Variants in CCSER1 observed in about 807,000 individuals in gnomAD.
The protein encoded by CCSER1 is serine-rich coiled-coil domain-containing protein 1.
In CCSER1, 41 loss-of-function variants were observed where a neutral mutation model predicts 82.0. The ratio of observed to expected loss-of-function variants is 0.50; its 90% CI spans 0.39 to 0.65. CCSER1 has a LOEUF of 0.65. CCSER1 is among the 30% of genes least tolerant of loss of function. CCSER1 has a pLI of 0.00. For missense variants in CCSER1, 1,119 were observed against 1,064.2 expected, an observed-to-expected ratio of 1.05 and a Z score of -0.72; for synonymous variants, 414 against 383.9, an observed-to-expected ratio of 1.08 and a Z score of -0.92.
intron 6 of CCSER1, among the ~76,000 whole-genome samples, chr4:90,643,215 A>G (rs762272769): frequency 6.6e-6 from 1 of 151,782 alleles, no homozygotes; most frequent in Non-Finnish European, 1.5e-5. Context: ...TTCTGACTGT[A>G]TATTTTCTGT....
At chr4:90,551,702 C>CTA (rs1279660129) in intron 5 of CCSER1, among the ~76,000 whole-genome samples, 63 of 113,994 alleles carry the variant, frequency 5.5e-4, no homozygotes, top group Middle Eastern at 4.8e-3. Flanking sequence ...CTCTCTCTCT[C>CTA]TCTCTATATA....
In CCSER1 at chr4:90,523,938, A is replaced by G. The variant is rs559368878; in HGVS notation, c.1724+55584A>G. 9.8e-5 allele frequency among the ~76,000 whole-genome samples: 15 copies of G among 152,312 alleles called. No homozygotes were observed. In the South Asian group the frequency reaches 3.1e-3, roughly 32 times the overall value. On this transcript the variant is annotated intron_variant, in intron 5 of 10. Coordinates refer to ENST00000509176, the MANE Select transcript of CCSER1 (RefSeq NM_001145065.2). ...TATTTGAATAGCATATCCTGTGTACATGAAGTTGAAAACCTAGGTGAAGAG... is the reference window on the plus strand; with the variant it reads ...TATTTGAATAGCATATCCTGTGTACGTGAAGTTGAAAACCTAGGTGAAGAG...
intron 10 of CCSER1, among the ~76,000 whole-genome samples, chr4:91,223,318 A>G (rs4491986): frequency 0.56 from 85,490 of 151,912 alleles, 24,564 homozygotes; most frequent in East Asian, 0.91. Flanking sequence ...ACAATACACT[A>G]TCATCGTCAA....
At chr4:90,834,382 A>G (rs1761520133) in intron 8 of CCSER1, among the ~76,000 whole-genome samples, 1 of 152,224 alleles carries the variant, frequency 6.6e-6, no homozygotes, top group Admixed American at 6.5e-5. Context: ...TTGATAATGA[A>G]CACCACATTG....
At chr4:90,643,441 G>C (rs985937535) in intron 6 of CCSER1, among the ~76,000 whole-genome samples, 1 of 152,134 alleles carries the variant, frequency 6.6e-6, no homozygotes, top group Non-Finnish European at 1.5e-5. Context: ...AGTTTTAGGA[G>C]CAAGAATATA....
intron 5 of CCSER1, among the ~76,000 whole-genome samples, chr4:90,551,706 C>CTCTCTATATATATATATATATA: frequency 3.6e-4 from 38 of 104,232 alleles, no homozygotes; most frequent in Non-Finnish European, 4.3e-4. Context: ...CTCTCTCTCT[C>CTCTCTATATATATATATATATA]TATATATATA....
chr4:91,475,720 C>A (rs1290046936), intron 10 of CCSER1, among the ~76,000 whole-genome samples: 1 of 151,736 alleles, frequency 6.6e-6, no homozygotes, highest in African/African-American at 2.4e-5. Flanking sequence ...CTGTAATCAT[C>A]CTACTGTGCT....
At chr4:91,141,464 T>G (rs1274326275) in intron 10 of CCSER1, among the ~76,000 whole-genome samples, 1 of 152,198 alleles carries the variant, frequency 6.6e-6, no homozygotes, top group Non-Finnish European at 1.5e-5. Flanking sequence ...ATTTCATTCT[T>G]TTTTTATGAT....
intron 10 of CCSER1, among the ~76,000 whole-genome samples, chr4:91,231,501 A>G (rs1738622665): frequency 6.6e-6 from 1 of 151,826 alleles, no homozygotes; most frequent in African/African-American, 2.4e-5. Flanking sequence ...AAGAAAATCC[A>G]TTATACGTAT....
chr4:91,412,431 G>C (rs942031134), intron 10 of CCSER1, among the ~76,000 whole-genome samples: 1 of 151,982 alleles, frequency 6.6e-6, no homozygotes, highest in African/African-American at 2.4e-5. Flanking sequence ...ATCTCTTCCA[G>C]AAACCTGGAA....
intron 10 of CCSER1, among the ~76,000 whole-genome samples, chr4:91,473,561 C>A (rs1197976646): frequency 6.6e-6 from 1 of 151,982 alleles, no homozygotes; most frequent in Non-Finnish European, 1.5e-5. Context: ...AAAATCACAA[C>A]CCTAGCTAGC....
At chr4:90,167,645 C>G (rs1018470799) in intron 1 of CCSER1, among the ~76,000 whole-genome samples, 2 of 151,252 alleles carry the variant, frequency 1.3e-5, no homozygotes, top group Non-Finnish European at 2.9e-5. Flanking sequence ...CCACAACAGG[C>G]CCCGGTGTGT....
chr4:91,119,957 T>G (rs1352707982), intron 10 of CCSER1, among the ~76,000 whole-genome samples: 2 of 151,970 alleles, frequency 1.3e-5, no homozygotes, highest in African/African-American at 2.4e-5. Context: ...CCTATGGAGT[T>G]TTATAAATTA....
rs149809975 is a variant in CCSER1 at position 91,452,881 on chromosome 4, T to C, written c.2218-145691T>C. 4.9e-3 allele frequency among the ~76,000 whole-genome samples: 742 copies of C among 152,198 alleles called. 4 individuals carry two copies. Among genetic ancestry groups the C allele is most frequent in the African/African-American group, 0.017 (691 of 41,554 alleles). ...CTCTGCCTTACATTGTCCTTAGTTA[T>C]GGAAAATAAGATCACTAAACCTTGG... On this transcript the variant is annotated intron_variant, in intron 10 of 10. Coordinates refer to ENST00000509176, the MANE Select transcript of CCSER1 (RefSeq NM_001145065.2).
At chr4:91,465,595 T>TA (rs1393983417) in intron 10 of CCSER1, among the ~76,000 whole-genome samples, 1 of 152,028 alleles carries the variant, frequency 6.6e-6, no homozygotes, top group African/African-American at 2.4e-5. Context: ...ACAAAATTGA[T>TA]AGACTGCTAG....
chr4:90,176,632 A>G (rs969299680), intron 1 of CCSER1, among the ~76,000 whole-genome samples: 9 of 151,972 alleles, frequency 5.9e-5, no homozygotes, highest in African/African-American at 2.2e-4. Context: ...TTACTTTTGG[A>G]CCACCTGTCG....
At chr4:91,574,892 A>G (rs916172124) in intron 10 of CCSER1, among the ~76,000 whole-genome samples, 1 of 152,108 alleles carries the variant, frequency 6.6e-6, no homozygotes, top group Non-Finnish European at 1.5e-5. Context: ...TCTAAAATAA[A>G]AGTTGAAATT....
intron 10 of CCSER1, among the ~76,000 whole-genome samples, chr4:91,437,740 G>A (rs1754766712): frequency 6.6e-6 from 1 of 152,214 alleles, no homozygotes; most frequent in Non-Finnish European, 1.5e-5. Context: ...AGAAAGGGGT[G>A]ACAGATGGCA....
At chr4:91,036,756 A>G (rs559544943) in intron 9 of CCSER1, among the ~76,000 whole-genome samples, 1 of 152,194 alleles carries the variant, frequency 6.6e-6, no homozygotes. Flanking sequence ...AATGGAGATC[A>G]AAATTTAAAG....
Sources: gnomAD v4.1 joint callset for allele counts (sites outside exome capture counted in the v4.1 genomes callset) on GRCh38, gnomAD v4.1.1 for gene constraint, MANE v1.5 for transcripts, NCBI Gene and HGNC (gene_info 2026-07-23, HGNC 2026-07-21) for gene names.